PKP4: variants seen among roughly 807,000 people sequenced by gnomAD.
PKP4 encodes plakophilin-4.
A neutral mutation model predicts 145.1 loss-of-function variants in PKP4; 90 were observed. The observed-to-expected ratio is 0.62, with a 90% CI of 0.52 to 0.74. The LOEUF (loss-of-function observed/expected upper bound fraction) is 0.74, where lower values mean the gene tolerates loss of function less well. PKP4 is among the 30% of genes least tolerant of loss of function. The pLI is 0.00. For synonymous variants in PKP4, 563 were observed against 577.2 expected (o/e 0.98, Z 0.35); for missense variants, 1,340 against 1,482.7 (o/e 0.90, Z 1.58).
intron 2 of PKP4, among the ~76,000 whole-genome samples, chr2:158,565,209 C>T (rs964898126): frequency 2.0e-5 from 3 of 151,828 alleles, no homozygotes; most frequent in Non-Finnish European, 2.9e-5. Flanking sequence ...CAGTACTGCC[C>T]GATATTATTA....
In PKP4 at chr2:158,634,362, T is replaced by C. The variant is rs944121519; in HGVS notation, c.1562+73T>C. On this transcript the variant is annotated intron_variant, in intron 9 of 21. Coordinates refer to ENST00000389759, the MANE Select transcript of PKP4 (RefSeq NM_003628.6). ...CAGCCAGTTCCTCCATTTTGACTTT[T>C]TTAAGTTGCTAAGTCTATTATACTA... The C allele has an allele frequency of 7.2e-6, 8 of 1,112,860 alleles. No individual in the cohort carries two copies. The African/African-American group carries it at 1.2e-4, about 17-fold the overall frequency. The allele number at this position is 1,112,860 out of a possible 1,614,324, so 68.9% of individuals were successfully genotyped here. A position where few individuals can be genotyped will look rare whatever the true frequency, so the allele number is the denominator to read the frequency against.
intron 2 of PKP4, among the ~76,000 whole-genome samples, chr2:158,559,989 C>G (rs1176748018): frequency 1.1e-4 from 17 of 152,036 alleles, no homozygotes; most frequent in Non-Finnish European, 2.9e-5. Context: ...GCCTCAGCGT[C>G]CCGAGTAGCT....
intron 6 of PKP4, among the ~76,000 whole-genome samples, chr2:158,623,338 C>T (rs2105896438): frequency 1.3e-5 from 2 of 152,156 alleles, no homozygotes; most frequent in Middle Eastern, 6.8e-3. Context: ...CCATGCCCAG[C>T]TAATTTTTTT....
intron 1 of PKP4, among the ~76,000 whole-genome samples, chr2:158,529,018 C>T (rs1349027362): frequency 6.6e-6 from 1 of 152,144 alleles, no homozygotes; most frequent in Non-Finnish European, 1.5e-5. Context: ...CTGTCTCTGC[C>T]ACACACAGTG....
At chr2:158,462,877 T>C (rs975868110) in intron 1 of PKP4, among the ~76,000 whole-genome samples, 1 of 152,218 alleles carries the variant, frequency 6.6e-6, no homozygotes, top group Non-Finnish European at 1.5e-5. Context: ...AATTAATACA[T>C]GTAAAGTGCT....
In PKP4 at chr2:158,504,041, T is replaced by C. The variant is rs191829467; in HGVS notation, c.-5-29139T>C. Among the ~76,000 whole-genome samples the C allele has an allele frequency of 1.7e-4, 26 of 151,294 alleles. 1 individual carries two copies. The highest frequency in any genetic ancestry group is 1.6e-3 in the Admixed American group (24 of 15,120). ...CATAGAAAACGTTTGCCATAGATTT[T>C]ATAGTTCACAAAATTTAAAGTTCCT... On this transcript the variant is annotated intron_variant, in intron 1 of 21. Coordinates refer to ENST00000389759, the MANE Select transcript of PKP4 (RefSeq NM_003628.6).
At chr2:158,495,833 CTAAATAAATAAATAAATAAATAAA>C (rs144207416) in intron 1 of PKP4, among the ~76,000 whole-genome samples, 149 of 143,930 alleles carry the variant, frequency 1.0e-3, no homozygotes, top group African/African-American at 2.4e-3. Flanking sequence ...GACTCTGTCT[CTAAATAAATAAATAAATAAATAAA>C]TAAATAAATA....
intron 1 of PKP4, among the ~76,000 whole-genome samples, chr2:158,482,053 C>T (rs190830132): frequency 6.6e-6 from 1 of 152,248 alleles, no homozygotes; most frequent in East Asian, 1.9e-4. Flanking sequence ...TAATTACGTA[C>T]CTGTGCTGTC....
At chr2:158,492,498 C>T (rs1332157751) in intron 1 of PKP4, among the ~76,000 whole-genome samples, 1 of 152,056 alleles carries the variant, frequency 6.6e-6, no homozygotes, top group East Asian at 1.9e-4. Flanking sequence ...GGCACCCCCT[C>T]TCCCCCACAC....
At position 158,669,790 on chromosome 2, in the gene PKP4, G is replaced by T. The variant is rs1259509456; in HGVS notation, c.2799G>T (p.Glu933Asp). The T allele has an allele frequency of 6.2e-7, 1 of 1,613,702 alleles. No individual in the cohort carries two copies. Among genetic ancestry groups the T allele is most frequent in the Non-Finnish European group, 8.5e-7 (1 of 1,179,752 alleles). The change falls in exon 17 of 22, where the codon GAG (glutamate) becomes GAT (aspartate). Residue 933 changes from glutamate (E) to aspartate (D), a missense_variant. Coordinates refer to ENST00000389759, the MANE Select transcript of PKP4 (RefSeq NM_003628.6). ...ATGGCCCCAGTGTCTTGTCTGATGA[G>T]ACCATGGCAGCCATCTGCTGTGCTC... is the stretch of plus-strand genomic sequence containing the variant. ...GGNGPSVLSD[E>D]TMAAICCALH...
intron 1 of PKP4, among the ~76,000 whole-genome samples, chr2:158,465,426 C>T (rs942906976): frequency 6.6e-6 from 1 of 152,102 alleles, no homozygotes; most frequent in African/African-American, 2.4e-5. Context: ...AACACTTTAC[C>T]ATATAGCCTA....
intron 1 of PKP4, among the ~76,000 whole-genome samples, chr2:158,511,945 G>A (rs1285593301): frequency 6.6e-6 from 1 of 152,150 alleles, no homozygotes; most frequent in Non-Finnish European, 1.5e-5. Flanking sequence ...ATTAAAGCCA[G>A]CAAGAATGGT....
intron 8 of PKP4, among the ~76,000 whole-genome samples, chr2:158,633,848 A>G (rs920271653): frequency 5.3e-5 from 8 of 152,190 alleles, no homozygotes; most frequent in African/African-American, 1.9e-4. Flanking sequence ...TTGTAGTTTC[A>G]CTTTTGCTGT....
At chr2:158,487,392 C>T (rs1694321914) in intron 1 of PKP4, among the ~76,000 whole-genome samples, 1 of 152,070 alleles carries the variant, frequency 6.6e-6, no homozygotes, top group African/African-American at 2.4e-5. Flanking sequence ...CATGAGAAAA[C>T]AGTAAAAGAA....
intron 17 of PKP4, among the ~76,000 whole-genome samples, chr2:158,671,411 C>T (rs1282758301): frequency 1.3e-5 from 2 of 151,958 alleles, no homozygotes; most frequent in African/African-American, 2.4e-5. Flanking sequence ...GTGAGTGGAA[C>T]CATAATCACT....
At chr2:158,579,553 T>C (rs898444276) in intron 3 of PKP4, among the ~76,000 whole-genome samples, 4 of 151,806 alleles carry the variant, frequency 2.6e-5, no homozygotes, top group African/African-American at 7.3e-5. Context: ...CTGGATACCA[T>C]TGGAGGAAGT....
At chr2:158,513,429 G>C (rs1196751946) in intron 1 of PKP4, among the ~76,000 whole-genome samples, 7 of 152,166 alleles carry the variant, frequency 4.6e-5, no homozygotes, top group Non-Finnish European at 8.8e-5. Flanking sequence ...CTTGGACAAG[G>C]AAGGACAAGG....
At chr2:158,617,389 G>C (rs1396411659) in intron 4 of PKP4, among the ~76,000 whole-genome samples, 1 of 151,866 alleles carries the variant, frequency 6.6e-6, no homozygotes, top group African/African-American at 2.4e-5. Context: ...TTCACATGCT[G>C]TTTGCCATTT....
chr2:158,627,882 A>G (rs1242404521), intron 7 of PKP4, among the ~76,000 whole-genome samples: 1 of 151,846 alleles, frequency 6.6e-6, no homozygotes, highest in Non-Finnish European at 1.5e-5. Flanking sequence ...GTGGCGTATC[A>G]GTGTTTTCCA....
Sources: gnomAD v4.1 joint callset for allele counts (sites outside exome capture counted in the v4.1 genomes callset) on GRCh38, gnomAD v4.1.1 for gene constraint, MANE v1.5 for transcripts, NCBI Gene and HGNC (gene_info 2026-07-23, HGNC 2026-07-21) for gene names.